The following WDR44 variants were observed in gnomAD, a reference collection of about 807,000 sequenced individuals.
The protein encoded by WDR44 is WD repeat-containing protein 44.
In WDR44, 9 loss-of-function variants were observed where a neutral mutation model predicts 65.7. That is an observed-to-expected ratio of 0.14 (90% confidence interval 0.08 to 0.24). The LOEUF is 0.24. WDR44 is among the 10% of genes least tolerant of loss of function. WDR44 has a pLI of 1.00. For missense variants in WDR44, 425 were observed against 670.9 expected (o/e 0.63, Z 4.05); for synonymous variants, 220 against 235.2 (o/e 0.94, Z 0.59).
At position 118,395,335 on chromosome X, in the gene WDR44, T is replaced by C. The variant is rs1419761820; in HGVS notation, c.1044T>C (p.Leu348=). 8.3e-7 allele frequency: 1 copy of C among 1,200,666 alleles called. No individual in the cohort carries two copies. Among genetic ancestry groups the C allele is most frequent in the African/African-American group, 1.8e-5 (1 of 56,972 alleles). ...CTAGATCCAACTCTGGGAGAGAGCT[T>C]ACTGATGAGGTAGAAATAGATTTTT... ...QRPRSNSGRE[L]TDEEILASVM... Residue 348 remains leucine (L), a synonymous_variant, in exon 6 of 20, where the codon CTT becomes CTC. Coordinates refer to ENST00000254029, the MANE Select transcript of WDR44 (RefSeq NM_019045.5).
At chrX:118,448,248 TCA>T (rs2057364798) in intron 19 of WDR44, among the ~76,000 whole-genome samples, 1 of 111,824 alleles carries the variant, frequency 8.9e-6, no homozygotes, top group Admixed American at 9.6e-5. Flanking sequence ...AATTAAAATC[TCA>T]GTTTTCACCT....
In WDR44 at chrX:118,393,181, A is replaced by G; in HGVS notation, c.736A>G (p.Arg246Gly). ...TCCTCCAACTAATTTCCCACCTCCT[A>G]GACCCCCACCTCCTTCTCGACCTGC... ...PPPPTNFPPPRPPPPSRPAPP... is the reference protein window; with the variant it reads ...PPPPTNFPPPGPPPPSRPAPP... Residue 246 changes from arginine (R) to glycine (G), a missense_variant, in exon 4 of 20, where the codon AGA becomes GGA. Coordinates refer to ENST00000254029, the MANE Select transcript of WDR44 (RefSeq NM_019045.5). 1 of 1,211,774 alleles carries G rather than the reference A, an allele frequency of 8.3e-7. No individual in the cohort carries two copies. The highest frequency in any genetic ancestry group is 1.1e-6 in the Non-Finnish European group (1 of 895,447).
chrX:118,354,263 T>C (rs1355037193), intron 1 of WDR44, among the ~76,000 whole-genome samples: 2 of 109,796 alleles, frequency 1.8e-5, no homozygotes, highest in Non-Finnish European at 3.8e-5. Context: ...AAAAAGTTTT[T>C]AAAAATTAGT....
chrX:118,447,875 AAT>A (rs10570740), intron 19 of WDR44, among the ~76,000 whole-genome samples: 11,400 of 54,274 alleles, frequency 0.21, 1,028 homozygotes, highest in South Asian at 0.34. Context: ...CTCTATCTAA[AAT>A]ATATATATAT....
At position 118,410,971 on chromosome X, in the gene WDR44, GT is replaced by G; in HGVS notation, c.1737+16del. Reference sequence around the variant, plus strand: ...ATACAGATACAGGGGTATGCTTATTGTTTTATGGTTACTCTGTTTTCAGGTA... The same window carrying G: ...ATACAGATACAGGGGTATGCTTATTGTTTATGGTTACTCTGTTTTCAGGTA... On this transcript the variant is annotated intron_variant, in intron 12 of 19. Transcript: ENST00000254029. 8.7e-7 allele frequency: 1 copy of G among 1,149,395 alleles called. No homozygotes were observed. The highest frequency in any genetic ancestry group is 1.8e-5 in the African/African-American group (1 of 55,031). The allele number at this position is 1,149,395 out of a possible 1,213,427, so 94.7% of individuals were successfully genotyped here.
chrX:118,390,376 T>C (rs2056809542), intron 3 of WDR44, among the ~76,000 whole-genome samples: 1 of 111,596 alleles, frequency 9.0e-6, no homozygotes, highest in Admixed American at 9.7e-5. Context: ...TCATGAGGCA[T>C]ATCAAGAGGC....
At chrX:118,398,163 G>A (rs2056881790) in intron 7 of WDR44, among the ~76,000 whole-genome samples, 1 of 111,979 alleles carries the variant, frequency 8.9e-6, no homozygotes. Flanking sequence ...CTTGAACCAG[G>A]GAGGCGGAGG....
chrX:118,440,120 C>CAAAA (rs36033722), intron 14 of WDR44, among the ~76,000 whole-genome samples: 5 of 68,704 alleles, frequency 7.3e-5, no homozygotes, highest in Admixed American at 1.7e-4. Flanking sequence ...ACCCCATCAC[C>CAAAA]AAAAAAAAAA....
chrX:118,438,599 A>C (rs1250332175), intron 14 of WDR44, among the ~76,000 whole-genome samples: 1 of 109,085 alleles, frequency 9.2e-6, no homozygotes, highest in Admixed American at 1.0e-4. Flanking sequence ...TGCCTGCACT[A>C]TGCCTAGCTA....
At chrX:118,406,161 A>G (rs987469760) in intron 9 of WDR44, among the ~76,000 whole-genome samples, 1 of 111,808 alleles carries the variant, frequency 8.9e-6, no homozygotes, top group Non-Finnish European at 1.9e-5. Context: ...AAGGATGTGC[A>G]TAGGTTATAT....
At chrX:118,391,449 A>G (rs2056819496) in intron 3 of WDR44, among the ~76,000 whole-genome samples, 1 of 112,011 alleles carries the variant, frequency 8.9e-6, no homozygotes. Flanking sequence ...ACTGAGCAGC[A>G]GTAATACCCA....
intron 12 of WDR44, among the ~76,000 whole-genome samples, chrX:118,430,190 TTC>T (rs1460292390): frequency 2.1e-5 from 2 of 95,671 alleles, no homozygotes; most frequent in East Asian, 6.7e-4. Flanking sequence ...ATGTTAATTT[TTC>T]TGTTTTTTTT....
chrX:118,398,566 T>G lies in WDR44; in HGVS notation c.1274+96T>G. On this transcript the variant is annotated intron_variant, in intron 8 of 19. Transcript: ENST00000254029. ...TTTTAAATCATGCTCCATGTAGTTT[T>G]TATGTCTACCCACCACCATTCCTCC... is the stretch of plus-strand genomic sequence containing the variant. 5.7e-6 allele frequency: 4 copies of G among 704,315 alleles called. No individual in the cohort carries two copies. The South Asian group carries it at 1.1e-4, about 20-fold the overall frequency. 58.0% of individuals were successfully genotyped at this position (704,315 alleles called of 1,213,427 possible).
At chrX:118,374,959 A>G (rs1279064929) in intron 1 of WDR44, among the ~76,000 whole-genome samples, 4 of 111,839 alleles carry the variant, frequency 3.6e-5, no homozygotes, top group Non-Finnish European at 7.5e-5. Flanking sequence ...AAAAGCCTAT[A>G]TTTTACTGTC....
rs2056845221 is a variant in WDR44, at chrX:118,394,069, A to G, written c.841A>G (p.Ile281Val). 2 of 1,207,427 alleles carry G rather than the reference A, an allele frequency of 1.7e-6. No individual in the cohort carries two copies. The highest frequency in any genetic ancestry group is 3.5e-5 in the African/African-American group (2 of 57,219). Reference protein sequence around the residue: ...TPDIDVPKENITSDSLLTASM... With the variant: ...TPDIDVPKENVTSDSLLTASM... ...TATCATTGCAGTTCCCAAAGAGAAT[A>G]TTACGTCTGATTCTCTCCTAACCGC... is the stretch of plus-strand genomic sequence containing the variant. Residue 281 changes from isoleucine to valine, a missense_variant, in exon 5 of 20, where the codon ATT becomes GTT. Physicochemically the swap from Ile to Val is conservative, Grantham distance 29. This residue lies in a region of WDR44 where 193 missense variants were observed against 209.0 expected (regional missense o/e 0.92). Coordinates refer to ENST00000254029, the MANE Select transcript of WDR44 (RefSeq NM_019045.5).
intron 1 of WDR44, among the ~76,000 whole-genome samples, chrX:118,352,156 T>G (rs1295136353): frequency 4.7e-5 from 2 of 42,182 alleles, no homozygotes; most frequent in Admixed American, 4.3e-4. Context: ...TTGTTTTTTG[T>G]TTTTTTTTTT....
chrX:118,364,667 G>A (rs1353187465), intron 1 of WDR44, among the ~76,000 whole-genome samples: 2 of 112,168 alleles, frequency 1.8e-5, no homozygotes, highest in Non-Finnish European at 3.8e-5. Flanking sequence ...CATTTTACAG[G>A]TGTGGAAACT....
At chrX:118,390,939 A>G (rs1430112218) in intron 3 of WDR44, among the ~76,000 whole-genome samples, 1 of 112,017 alleles carries the variant, frequency 8.9e-6, no homozygotes, top group Non-Finnish European at 1.9e-5. Flanking sequence ...TAATTGTGGG[A>G]CTGGCAAAAT....
At chrX:118,365,380 A>T (rs1346329915) in intron 1 of WDR44, among the ~76,000 whole-genome samples, 1 of 110,953 alleles carries the variant, frequency 9.0e-6, no homozygotes, top group East Asian at 2.8e-4. Context: ...AGTGGCTCAC[A>T]CCTGTAATCC....
Sources: allele counts gnomAD v4.1 joint callset (sites outside exome capture counted in the v4.1 genomes callset), GRCh38; gene constraint gnomAD v4.1.1; regional missense constraint gnomAD v4.1.1; transcripts MANE v1.5; gene names NCBI Gene and HGNC (gene_info 2026-07-23, HGNC 2026-07-21).